The following DCC variants were observed in gnomAD, a reference collection of about 807,000 sequenced individuals.
The protein encoded by DCC is netrin receptor DCC.
In DCC, 58 loss-of-function variants were observed where a neutral mutation model predicts 172.5. The ratio of observed to expected loss-of-function variants is 0.34; its 90% CI spans 0.27 to 0.42. The LOEUF is 0.42. Ranked by LOEUF, DCC falls within the 10% of genes least tolerant of loss-of-function variation. DCC has a pLI of 1.00. For missense variants in DCC, 1,740 were observed against 1,791.0 expected (o/e 0.97, Z 0.51); for synonymous variants, 709 against 644.5 (o/e 1.10, Z -1.52).
intron 12 of DCC, among the ~76,000 whole-genome samples, chr18:53,244,694 G>C (rs1163566285): frequency 6.6e-6 from 1 of 151,982 alleles, no homozygotes; most frequent in Non-Finnish European, 1.5e-5. Context: ...CTCACAATAT[G>C]GCAGCTGGAT....
chr18:53,144,170 G>T (rs1206427104), intron 7 of DCC, among the ~76,000 whole-genome samples: 1 of 152,144 alleles, frequency 6.6e-6, no homozygotes, highest in African/African-American at 2.4e-5. Context: ...TATGGAAAAT[G>T]TCTCAGATTG....
At chr18:53,342,990 T>C (rs2057679374) in intron 15 of DCC, among the ~76,000 whole-genome samples, 1 of 149,068 alleles carries the variant, frequency 6.7e-6, no homozygotes, top group Non-Finnish European at 1.5e-5. Flanking sequence ...TATTTATAAA[T>C]GTGTAGAATA....
At chr18:52,744,640 C>G (rs2036879477) in intron 1 of DCC, among the ~76,000 whole-genome samples, 2 of 152,136 alleles carry the variant, frequency 1.3e-5, no homozygotes, top group Admixed American at 1.3e-4. Flanking sequence ...ACAGAAACCC[C>G]AATAGTCATA....
intron 1 of DCC, among the ~76,000 whole-genome samples, chr18:52,641,633 AT>A (rs1568269312): frequency 1.3e-5 from 2 of 152,172 alleles, no homozygotes; most frequent in East Asian, 3.9e-4. Flanking sequence ...GTCACTAATG[AT>A]CAGGGAAATG....
intron 15 of DCC, among the ~76,000 whole-genome samples, chr18:53,348,368 G>A (rs138607052): frequency 3.9e-5 from 6 of 152,304 alleles, no homozygotes; most frequent in Non-Finnish European, 7.4e-5. Context: ...GATGCAAGAC[G>A]TGGGTTCCCA....
At chr18:52,792,698 G>T (rs150290050) in intron 2 of DCC, among the ~76,000 whole-genome samples, 14 of 143,068 alleles carry the variant, frequency 9.8e-5, no homozygotes, top group Non-Finnish European at 1.7e-4. Context: ...GCTGGCAGAT[G>T]CCTGTTATTG....
At chr18:52,385,738 G>A (rs1256777793) in intron 1 of DCC, among the ~76,000 whole-genome samples, 1 of 152,038 alleles carries the variant, frequency 6.6e-6, no homozygotes, top group Non-Finnish European at 1.5e-5. Context: ...AACCTAGCTA[G>A]ACCAAATGAA....
chr18:52,616,524 G>A (rs942105161), intron 1 of DCC, among the ~76,000 whole-genome samples: 9 of 152,030 alleles, frequency 5.9e-5, no homozygotes, highest in African/African-American at 9.7e-5. Flanking sequence ...ACCTCACTGC[G>A]CTTGGCCCAT....
intron 5 of DCC, among the ~76,000 whole-genome samples, chr18:53,036,335 C>T (rs1463800414): frequency 1.3e-5 from 2 of 151,940 alleles, no homozygotes; most frequent in African/African-American, 4.8e-5. Flanking sequence ...AAAATTTGCA[C>T]TTTCTTATAT....
chr18:52,980,254 G>A (rs2041187977), intron 5 of DCC, among the ~76,000 whole-genome samples: 1 of 152,076 alleles, frequency 6.6e-6, no homozygotes, highest in African/African-American at 2.4e-5. Context: ...AGGATGACAT[G>A]GTCTGTGCAA....
At chr18:53,289,903 C>G (rs1598987780) in intron 12 of DCC, among the ~76,000 whole-genome samples, 1 of 152,134 alleles carries the variant, frequency 6.6e-6, no homozygotes, top group East Asian at 1.9e-4. Flanking sequence ...AAAATTTTCT[C>G]TTTTTCAGAA....
intron 1 of DCC, among the ~76,000 whole-genome samples, chr18:52,589,946 T>C (rs945592048): frequency 3.3e-5 from 5 of 152,202 alleles, no homozygotes; most frequent in Non-Finnish European, 7.3e-5. Flanking sequence ...TGATGATCTA[T>C]TGATTTGATT....
chr18:53,255,207 T>C (rs573005234), intron 12 of DCC, among the ~76,000 whole-genome samples: 2 of 151,970 alleles, frequency 1.3e-5, no homozygotes, highest in African/African-American at 4.8e-5. Flanking sequence ...GGGGAGGTTT[T>C]TTGTTTTTTT....
intron 23 of DCC, among the ~76,000 whole-genome samples, chr18:53,451,943 T>TGA (rs2045420337): frequency 1.3e-5 from 2 of 152,200 alleles, no homozygotes; most frequent in African/African-American, 4.8e-5. Context: ...AGCTGATTTA[T>TGA]GAGATTTGAC....
chr18:53,366,317 G>T (rs1159903099), intron 15 of DCC, among the ~76,000 whole-genome samples: 2 of 151,988 alleles, frequency 1.3e-5, no homozygotes, highest in African/African-American at 4.8e-5. Flanking sequence ...CAAAGTGGTG[G>T]GATTACAGGT....
chr18:52,743,509 C>T (rs2145118145), intron 1 of DCC, among the ~76,000 whole-genome samples: 1 of 152,324 alleles, frequency 6.6e-6, no homozygotes, highest in East Asian at 1.9e-4. Flanking sequence ...CAAAATCAAA[C>T]TGCAGCTTAG....
At chr18:53,304,865 C>A (rs1214413428) in intron 12 of DCC, among the ~76,000 whole-genome samples, 2 of 152,194 alleles carry the variant, frequency 1.3e-5, no homozygotes, top group Non-Finnish European at 2.9e-5. Context: ...TACGGTTTGA[C>A]TGTGTCCCCA....
At chr18:52,584,602 C>A (rs939636962) in intron 1 of DCC, among the ~76,000 whole-genome samples, 1 of 152,142 alleles carries the variant, frequency 6.6e-6, no homozygotes, top group African/African-American at 2.4e-5. Flanking sequence ...TCTCTCTTTA[C>A]TAGTATTATA....
chr18:52,859,279 C>A (rs550317788), intron 2 of DCC, among the ~76,000 whole-genome samples: 2 of 152,100 alleles, frequency 1.3e-5, no homozygotes, highest in Admixed American at 6.5e-5. Context: ...GTGGATTGAT[C>A]CTGTAGAGGC....
Sources: gnomAD v4.1 joint callset for allele counts (sites outside exome capture counted in the v4.1 genomes callset) on GRCh38, gnomAD v4.1.1 for gene constraint, MANE v1.5 for transcripts, NCBI Gene and HGNC (gene_info 2026-07-23, HGNC 2026-07-21) for gene names.